The following MAGI1 variants were observed in gnomAD, a reference collection of about 807,000 sequenced individuals.
The protein encoded by MAGI1 is membrane associated guanylate kinase, WW and PDZ domain containing 1.
MAGI1 carries 58 observed loss-of-function variants against 139.9 expected under a neutral mutation model. The ratio of observed to expected loss-of-function variants is 0.41; its 90% CI spans 0.34 to 0.52. The LOEUF (loss-of-function observed/expected upper bound fraction) is 0.52, where lower values mean the gene tolerates loss of function less well. Among genes scored for constraint, MAGI1 ranks in the 20% least tolerant of loss-of-function variants. The pLI is 0.12. For synonymous variants in MAGI1, 812 were observed against 737.9 expected, an observed-to-expected ratio of 1.10 and a Z score of -1.63; for missense variants, 1,874 against 1,901.6, an observed-to-expected ratio of 0.99 and a Z score of 0.27.
At chr3:65,430,553 C>A in intron 11 of MAGI1, 146 bp downstream of exon 11, 1 of 779,424 alleles carries the variant, frequency 1.3e-6, no homozygotes. Context: ...AGACCTGGCT[C>A]ATTCTCAAGG....
chr3:65,961,879 C>T (rs1271742084), intron 1 of MAGI1, among the ~76,000 whole-genome samples: 1 of 152,148 alleles, frequency 6.6e-6, no homozygotes, highest in East Asian at 1.9e-4. Context: ...TTCCATTGTG[C>T]TGAGAAGAAA....
intron 2 of MAGI1, among the ~76,000 whole-genome samples, chr3:65,535,870 G>A (rs918405922): frequency 6.6e-6 from 1 of 152,076 alleles, no homozygotes; most frequent in Non-Finnish European, 1.5e-5. Context: ...CTGTTTCTTT[G>A]GTTAAACAGC....
intron 12 of MAGI1, among the ~76,000 whole-genome samples, chr3:65,411,405 T>TCC (rs954081473): frequency 2.6e-5 from 4 of 152,196 alleles, no homozygotes; most frequent in Non-Finnish European, 5.9e-5. Flanking sequence ...CACAGAGGTC[T>TCC]CCCTAAGATA....
rs569737559 is a variant in MAGI1 at position 65,693,089 on chromosome 3, C to T, written c.314-71001G>A. Among the ~76,000 whole-genome samples the T allele has an allele frequency of 1.2e-4, 19 of 152,144 alleles. 1 individual carries two copies. In the South Asian group the frequency reaches 3.7e-3, roughly 30 times the overall value. On this transcript the variant is annotated intron_variant, in intron 1 of 22. Coordinates refer to ENST00000402939, the MANE Select transcript of MAGI1 (RefSeq NM_001033057.2). ...TAGGACCTACCATAGGCATGAGATA[C>T]TATGCCTGGCTATTTTTATTTTTTA...
intron 1 of MAGI1, among the ~76,000 whole-genome samples, chr3:65,816,637 G>C (rs1339936230): frequency 1.1e-5 from 1 of 93,022 alleles, no homozygotes; most frequent in African/African-American, 3.4e-5. Context: ...AGCTAACAGG[G>C]GAAAAAAAAA....
rs776575429 is a variant in MAGI1 at position 66,038,029 on chromosome 3, T to C, written c.280A>G (p.Lys94Glu). The change falls in exon 1 of 23, where the codon AAG (lysine) becomes GAG (glutamate). Residue 94 changes from lysine to glutamate, a missense_variant. This residue lies in a region of MAGI1 where 648 missense variants were observed against 598.1 expected (regional missense o/e 1.08). Coordinates refer to ENST00000402939, the MANE Select transcript of MAGI1 (RefSeq NM_001033057.2). ...YDVLGVIDSC[K>E]EAVTFKAVRQ... Reference sequence around the variant, plus strand: ...ACGGCCTTGAAGGTGACGGCCTCCTTGCAGCTGTCGATGACCCCCAGCACG... The same window carrying C: ...ACGGCCTTGAAGGTGACGGCCTCCTCGCAGCTGTCGATGACCCCCAGCACG... 3.7e-6 allele frequency: 6 copies of C among 1,604,114 alleles called. No homozygotes were observed. The highest frequency in any genetic ancestry group is 2.2e-5 in the East Asian group (1 of 44,704).
intron 2 of MAGI1, among the ~76,000 whole-genome samples, chr3:65,510,223 T>G (rs551304422): frequency 6.6e-6 from 1 of 151,954 alleles, no homozygotes; most frequent in African/African-American, 2.4e-5. Context: ...ACAGAAAAAC[T>G]GGAAACTGTA....
intron 2 of MAGI1, chr3:65,597,731 C>A (rs1334934832): frequency 2.2e-6 from 1 of 456,754 alleles, no homozygotes; most frequent in Non-Finnish European, 4.4e-6. Context: ...CAGGCTTCCT[C>A]CGGCAGCGGA....
At chr3:65,695,488 C>T (rs2089087834) in intron 1 of MAGI1, among the ~76,000 whole-genome samples, 1 of 152,222 alleles carries the variant, frequency 6.6e-6, no homozygotes, top group Non-Finnish European at 1.5e-5. Context: ...TCTGCTTAGA[C>T]TGCCCATTCC....
At chr3:65,901,047 A>G (rs1488282739) in intron 1 of MAGI1, among the ~76,000 whole-genome samples, 4 of 152,230 alleles carry the variant, frequency 2.6e-5, no homozygotes, top group Admixed American at 2.6e-4. Flanking sequence ...GGGTGTTTCC[A>G]AAACTGGCCT....
At position 65,493,871 on chromosome 3, in the gene MAGI1, G is replaced by A. The variant is rs958330402; in HGVS notation, c.431-240C>T. Among the ~76,000 whole-genome samples, 7 of 152,242 alleles carry A rather than the reference G, an allele frequency of 4.6e-5. No individual in the cohort carries two copies. In the South Asian group the frequency reaches 1.5e-3, roughly 32 times the overall value. ...TGGGAGAGAGAGAAAACCAAGCACC[G>A]CTGGGTAACCTAGAGAGAGTTTTAT... On this transcript the variant is annotated intron_variant, in intron 2 of 22. Coordinates refer to ENST00000402939, the MANE Select transcript of MAGI1 (RefSeq NM_001033057.2).
At chr3:65,831,651 G>A (rs144963546) in intron 1 of MAGI1, among the ~76,000 whole-genome samples, 10 of 152,194 alleles carry the variant, frequency 6.6e-5, no homozygotes, top group Non-Finnish European at 1.2e-4. Flanking sequence ...CTGGTCTTAC[G>A]ATTCAGGCAG....
At chr3:65,409,597 A>C in intron 12 of MAGI1, among the ~76,000 whole-genome samples, 1 of 152,110 alleles carries the variant, frequency 6.6e-6, no homozygotes, top group Non-Finnish European at 1.5e-5. Flanking sequence ...ATCCATAAAA[A>C]GGAATGAAAA....
intron 2 of MAGI1, among the ~76,000 whole-genome samples, chr3:65,518,632 T>G (rs375474966): frequency 6.6e-6 from 1 of 152,186 alleles, no homozygotes; most frequent in African/African-American, 2.4e-5. Flanking sequence ...GACATTGTTA[T>G]AGTCACAAAT....
intron 1 of MAGI1, among the ~76,000 whole-genome samples, chr3:65,911,477 A>T (rs983801562): frequency 9.2e-5 from 14 of 152,032 alleles, no homozygotes; most frequent in African/African-American, 2.4e-5. Flanking sequence ...AAACTGCTCC[A>T]TGTATCTATT....
intron 1 of MAGI1, among the ~76,000 whole-genome samples, chr3:65,974,730 C>T (rs1320426367): frequency 6.6e-6 from 1 of 152,118 alleles, no homozygotes; most frequent in Non-Finnish European, 1.5e-5. Context: ...GTGCGCCTCT[C>T]CACAGCACTG....
At chr3:65,949,204 C>A (rs962727150) in intron 1 of MAGI1, among the ~76,000 whole-genome samples, 1 of 152,232 alleles carries the variant, frequency 6.6e-6, no homozygotes, top group Non-Finnish European at 1.5e-5. Context: ...CTTCCCATCA[C>A]CTGCATAATA....
intron 1 of MAGI1, among the ~76,000 whole-genome samples, chr3:65,797,614 A>G (rs1460892215): frequency 6.6e-6 from 1 of 151,884 alleles, no homozygotes; most frequent in Non-Finnish European, 1.5e-5. Context: ...TACCTGGGAG[A>G]CTGAGGTCAG....
chr3:65,687,968 T>C (rs1364389807), intron 1 of MAGI1: 3 of 787,952 alleles, frequency 3.8e-6, no homozygotes, highest in African/African-American at 3.5e-5. Flanking sequence ...CAGTTAAAGT[T>C]ATCATCAGAC....
Sources: gnomAD v4.1 joint callset for allele counts (sites outside exome capture counted in the v4.1 genomes callset) on GRCh38, gnomAD v4.1.1 for gene constraint, gnomAD v4.1.1 regional missense constraint, MANE v1.5 for transcripts, NCBI Gene and HGNC (gene_info 2026-07-23, HGNC 2026-07-21) for gene names.